FHIP1A: variants seen among roughly 807,000 people sequenced by gnomAD.
FHIP1A encodes FHF complex subunit HOOK-interacting protein 1A.
FHIP1A carries 61 observed loss-of-function variants against 88.6 expected under a neutral mutation model. The observed-to-expected ratio is 0.69, with a 90% CI of 0.56 to 0.85. The LOEUF is 0.85. Among genes scored for constraint, FHIP1A ranks in the 40% least tolerant of loss-of-function variants. FHIP1A has a pLI of 0.00. For synonymous variants in FHIP1A, 478 were observed against 496.0 expected (o/e 0.96, Z 0.48); for missense variants, 1,154 against 1,273.5 (o/e 0.91, Z 1.43).
Position 151,546,987 on chromosome 4 carries a change from G to A in FHIP1A, c.-122-19151G>A, listed in dbSNP as rs565986976. Among the ~76,000 whole-genome samples, 3 of 152,164 alleles carry A rather than the reference G, an allele frequency of 2.0e-5. No individual in the cohort carries two copies. In the South Asian group the frequency reaches 6.2e-4, roughly 32 times the overall value. On this transcript the variant is annotated intron_variant, in intron 3 of 13. Coordinates refer to ENST00000435205, the MANE Select transcript of FHIP1A (RefSeq NM_001109977.3). Reference sequence around the variant, plus strand: ...GTTCCAGCAGCACCCGCCACCCCCTGCCTTGCTACTTGTTCCTTAGTTTGA... The same window carrying A: ...GTTCCAGCAGCACCCGCCACCCCCTACCTTGCTACTTGTTCCTTAGTTTGA...
chr4:151,580,299 A>G (rs1033773143), intron 5 of FHIP1A, among the ~76,000 whole-genome samples: 1 of 152,168 alleles, frequency 6.6e-6, no homozygotes, highest in Non-Finnish European at 1.5e-5. Flanking sequence ...CATTTCCTGC[A>G]AATTGGACTT....
intron 1 of FHIP1A, among the ~76,000 whole-genome samples, chr4:151,425,467 A>G (rs1006377185): frequency 6.6e-6 from 1 of 152,174 alleles, no homozygotes; most frequent in African/African-American, 2.4e-5. Context: ...ATAATATGAG[A>G]AATTTAAACT....
intron 1 of FHIP1A, among the ~76,000 whole-genome samples, chr4:151,446,572 G>GT (rs1728612462): frequency 1.0e-5 from 1 of 97,766 alleles, no homozygotes; most frequent in Non-Finnish European, 2.1e-5. Context: ...TGAATGTGTT[G>GT]TTCTTTTTCT....
Position 151,650,132 on chromosome 4 carries a change from G to T in FHIP1A, c.2091G>T (p.Trp697Cys). The T allele has an allele frequency of 6.4e-7, 1 of 1,551,680 alleles. No individual in the cohort carries two copies. The highest frequency in any genetic ancestry group is 8.7e-7 in the Non-Finnish European group (1 of 1,146,994). ...TQPETDSEEE[W>C]NRDNSDPFHS... ...CAGAGACAGATTCAGAGGAGGAGTG[G>T]AATAGGGACAATTCAGACCCGTTTC... Residue 697 changes from tryptophan to cysteine, a missense_variant, in exon 11 of 14, where the codon TGG (tryptophan) becomes TGT (cysteine). By Grantham distance (215) the Trp-to-Cys change is radical. Transcript: ENST00000435205.
chr4:151,515,639 A>G (rs1436152699), intron 3 of FHIP1A, among the ~76,000 whole-genome samples: 1 of 152,200 alleles, frequency 6.6e-6, no homozygotes, highest in Non-Finnish European at 1.5e-5. Context: ...AAAAATCACA[A>G]GCATTCTTAT....
intron 4 of FHIP1A, among the ~76,000 whole-genome samples, chr4:151,571,557 C>G (rs10034746): frequency 1.3e-5 from 2 of 151,962 alleles, no homozygotes; most frequent in African/African-American, 4.8e-5. Context: ...CCAAGTAGCC[C>G]GAATCTAAAG....
At chr4:151,624,346 C>A (rs1239938944) in intron 7 of FHIP1A, among the ~76,000 whole-genome samples, 1 of 152,136 alleles carries the variant, frequency 6.6e-6, no homozygotes, top group Non-Finnish European at 1.5e-5. Context: ...CTTGGGAGCA[C>A]CACCACTGCC....
intron 7 of FHIP1A, among the ~76,000 whole-genome samples, chr4:151,597,536 C>T (rs1734696838): frequency 6.6e-6 from 1 of 152,142 alleles, no homozygotes; most frequent in African/African-American, 2.4e-5. Context: ...GCAGTCTGTC[C>T]CTTGGCAGAA....
rs182868182 is a variant in FHIP1A, at chr4:151,421,670, G to A, written c.-356+12205G>A. Among the ~76,000 whole-genome samples the A allele has an allele frequency of 5.3e-3, 799 of 151,866 alleles. 14 individuals are homozygous for A. Among genetic ancestry groups the A allele is most frequent in the Non-Finnish European group, 5.6e-3 (379 of 67,826 alleles). The stretch of plus-strand genomic sequence containing the variant: ...CTAACCTGGAACCCTTCCCTCCCCC[G>A]AATCTCTTTGTTAATTGAGGCTTCC... On this transcript the variant is annotated intron_variant, in intron 1 of 13. Transcript: ENST00000435205.
intron 3 of FHIP1A, among the ~76,000 whole-genome samples, chr4:151,509,969 G>A (rs1431530698): frequency 6.6e-6 from 1 of 152,126 alleles, no homozygotes; most frequent in Non-Finnish European, 1.5e-5. Flanking sequence ...AACATGGCAG[G>A]TCCTGGACAG....
At chr4:151,507,948 C>G (rs748598715) in intron 3 of FHIP1A, among the ~76,000 whole-genome samples, 2 of 152,150 alleles carry the variant, frequency 1.3e-5, no homozygotes, top group Non-Finnish European at 2.9e-5. Flanking sequence ...CTTAGAGTCT[C>G]TTTCTTGACG....
chr4:151,509,759 TTGTGTG>T lies in FHIP1A; in HGVS notation c.-123+27135_-123+27140del, dbSNP rs113966280. On this transcript the variant is annotated intron_variant, in intron 3 of 13. Transcript: ENST00000435205. ...TACGTTAAAAATACTGTCTCTATGTTTGTGTGTGTGTGTGTGTGTGTGTGTGTGTAG... is the reference window on the plus strand; with the variant it reads ...TACGTTAAAAATACTGTCTCTATGTTTGTGTGTGTGTGTGTGTGTGTGTAG... Among the ~76,000 whole-genome samples the T allele has an allele frequency of 3.2e-3, 467 of 147,130 alleles. 1 individual carries two copies. Among genetic ancestry groups the T allele is most frequent in the Non-Finnish European group, 4.5e-3 (298 of 66,456 alleles).
intron 7 of FHIP1A, among the ~76,000 whole-genome samples, chr4:151,625,475 C>T (rs1735917958): frequency 6.6e-6 from 1 of 152,170 alleles, no homozygotes; most frequent in Non-Finnish European, 1.5e-5. Flanking sequence ...CCTGCCATTA[C>T]AGGGAGGATT....
intron 3 of FHIP1A, among the ~76,000 whole-genome samples, chr4:151,489,792 C>A (rs1730217297): frequency 6.6e-6 from 1 of 152,118 alleles, no homozygotes; most frequent in African/African-American, 2.4e-5. Flanking sequence ...ACCCTCCATC[C>A]TCCTCAGTGG....
intron 3 of FHIP1A, among the ~76,000 whole-genome samples, chr4:151,547,041 T>A (rs140887889): frequency 4.6e-5 from 7 of 152,288 alleles, no homozygotes; most frequent in Admixed American, 1.3e-4. Context: ...TTCTCTAGGT[T>A]GGCAATTCTG....
intron 1 of FHIP1A, among the ~76,000 whole-genome samples, chr4:151,443,685 C>CTGTGTG (rs57147339): frequency 0.015 from 1,876 of 122,148 alleles, 52 homozygotes; most frequent in African/African-American, 0.048. Flanking sequence ...ATGAAGCACT[C>CTGTGTG]TGTGTGTGTG....
At chr4:151,522,334 T>G (rs1731476242) in intron 3 of FHIP1A, among the ~76,000 whole-genome samples, 1 of 152,208 alleles carries the variant, frequency 6.6e-6, no homozygotes, top group South Asian at 2.1e-4. Flanking sequence ...ATTGTTTGTT[T>G]TAGTTGTATT....
At chr4:151,462,545 GA>G (rs781761982) in intron 2 of FHIP1A, among the ~76,000 whole-genome samples, 7 of 152,258 alleles carry the variant, frequency 4.6e-5, no homozygotes, top group Non-Finnish European at 1.0e-4. Flanking sequence ...AGAAATGGTG[GA>G]ATTTTTGGCA....
intron 1 of FHIP1A, among the ~76,000 whole-genome samples, chr4:151,429,898 T>C (rs1466997409): frequency 6.6e-6 from 1 of 150,792 alleles, no homozygotes; most frequent in Non-Finnish European, 1.5e-5. Context: ...CTTCATTTTC[T>C]AAATGTACTT....
Sources: gnomAD v4.1 joint callset for allele counts (sites outside exome capture counted in the v4.1 genomes callset) on GRCh38, gnomAD v4.1.1 for gene constraint, MANE v1.5 for transcripts, NCBI Gene and HGNC (gene_info 2026-07-23, HGNC 2026-07-21) for gene names.